Variants in NCR1 observed in about 807,000 individuals in gnomAD.
NCR1 encodes NK cell-activating receptor.
In NCR1, 30 loss-of-function variants were observed where a neutral mutation model predicts 32.5. The ratio of observed to expected loss-of-function variants is 0.92; its 90% CI spans 0.69 to 1.25. NCR1 has a LOEUF of 1.25. Ranked by LOEUF, NCR1 falls within the 50% of genes most tolerant of loss-of-function variation. The pLI is 0.00. For missense variants in NCR1, 369 were observed against 380.7 expected (o/e 0.97, Z 0.26); for synonymous variants, 169 against 143.4 (o/e 1.18, Z -1.28).
chr19:54,908,521 G>A (rs1163463828), intron 3 of NCR1, among the ~76,000 whole-genome samples: 1 of 152,128 alleles, frequency 6.6e-6, no homozygotes, highest in Non-Finnish European at 1.5e-5. Flanking sequence ...CAGACGGGGT[G>A]GCGGCCGGGC....
At chr19:54,936,550 A>G in the NCR1 span, 1 of 889,672 alleles carries the variant, frequency 1.1e-6, no homozygotes, top group Non-Finnish European at 1.8e-6. Flanking sequence ...GGCCGGGTGC[A>G]GTGGCTCGTG....
chr19:54,935,898 C>A, the NCR1 span, among the ~76,000 whole-genome samples: 1 of 150,434 alleles, frequency 6.6e-6, no homozygotes, highest in Non-Finnish European at 1.5e-5. Context: ...CCAAAACTAC[C>A]CCCAAACCCG....
chr19:54,929,328 G>A, the NCR1 span, among the ~76,000 whole-genome samples: 1 of 152,044 alleles, frequency 6.6e-6, no homozygotes, highest in African/African-American at 2.4e-5. Flanking sequence ...TCGCACCACT[G>A]CACTCCAGCC....
the NCR1 span, among the ~76,000 whole-genome samples, chr19:54,932,524 C>T: frequency 2.6e-5 from 4 of 152,044 alleles, no homozygotes; most frequent in African/African-American, 9.7e-5. Context: ...ATTTTTCTAA[C>T]CATAATTTTA....
the NCR1 span, among the ~76,000 whole-genome samples, chr19:54,899,134 T>G: frequency 1.9e-4 from 29 of 152,250 alleles, no homozygotes; most frequent in Non-Finnish European, 2.6e-4. Flanking sequence ...TGTAAAAGAA[T>G]GCCTGGATGT....
At chr19:54,905,001 G>A (rs762973975), upstream of NCR1, among the ~76,000 whole-genome samples, 9 of 152,186 alleles carry the variant, frequency 5.9e-5, no homozygotes, top group Admixed American at 2.6e-4. Context: ...GGACCTGGGT[G>A]GATTCCATGT....
chr19:54,926,228 G>GTGTGTGTGCA, the NCR1 span, among the ~76,000 whole-genome samples: 1 of 127,112 alleles, frequency 7.9e-6, no homozygotes, highest in Non-Finnish European at 1.7e-5. Context: ...GTGTGTGTGT[G>GTGTGTGTGCA]CTCATGCACA....
Position 54,912,960 on chromosome 19 carries a change from G to T in NCR1, c.*89G>T. The stretch of plus-strand genomic sequence containing the variant: ...GTGAGCTCTGTGTTGGACCCACGGA[G>T]GAGGGAGTCACTGCAGGGAAAGAGG... On this transcript the variant is annotated 3_prime_UTR_variant, in exon 7 of 7. Coordinates refer to ENST00000291890, the MANE Select transcript of NCR1 (RefSeq NM_004829.7). The T allele has an allele frequency of 2.3e-6, 3 of 1,292,556 alleles. No homozygotes were observed. Among genetic ancestry groups the T allele is most frequent in the Non-Finnish European group, 3.2e-6 (3 of 940,808 alleles). 80.1% of individuals were successfully genotyped at this position (1,292,556 alleles called of 1,614,324 possible).
At chr19:54,927,009 C>T in the NCR1 span, among the ~76,000 whole-genome samples, 1 of 150,810 alleles carries the variant, frequency 6.6e-6, no homozygotes, top group African/African-American at 2.4e-5. Flanking sequence ...AAAATCGCTT[C>T]AACCTGTGAG....
At chr19:54,907,704 A>G (rs1289129797) in intron 3 of NCR1, among the ~76,000 whole-genome samples, 1 of 152,022 alleles carries the variant, frequency 6.6e-6, no homozygotes, top group African/African-American at 2.4e-5. Context: ...ACCATCATAT[A>G]TGTGGTACAT....
the NCR1 span, chr19:54,938,173 A>G: frequency 9.9e-6 from 16 of 1,614,092 alleles, no homozygotes; most frequent in Non-Finnish European, 1.4e-5. Flanking sequence ...GAGAGAGCAG[A>G]AATCTGTCCA....
the NCR1 span, among the ~76,000 whole-genome samples, chr19:54,899,726 C>T: frequency 6.6e-6 from 1 of 151,864 alleles, no homozygotes; most frequent in East Asian, 1.9e-4. Flanking sequence ...CTTGCCCCCC[C>T]AGAAAAGCAG....
chr19:54,914,232 G>A (rs1315843725), downstream of NCR1, among the ~76,000 whole-genome samples: 3 of 71,038 alleles, frequency 4.2e-5, no homozygotes, highest in South Asian at 1.3e-3. Flanking sequence ...TTTTTTTAAT[G>A]TAAGTTTTAG....
chr19:54,910,205 G>GGC, intron 5 of NCR1, 140 bp downstream of exon 5: 1 of 785,422 alleles, frequency 1.3e-6, no homozygotes, highest in Non-Finnish European at 2.1e-6. Context: ...GGGAGGCCGA[G>GGC]ATGGTGCATC....
At chr19:54,936,128 A>C in the NCR1 span, 2 of 787,592 alleles carry the variant, frequency 2.5e-6, no homozygotes, top group South Asian at 1.5e-5. Context: ...CGACTCCCCC[A>C]CACAGGCCTG....
downstream of NCR1, among the ~76,000 whole-genome samples, chr19:54,918,504 C>T (rs2068179212): frequency 6.6e-6 from 1 of 152,082 alleles, no homozygotes; most frequent in African/African-American, 2.4e-5. Context: ...GAACTCCTGG[C>T]CTCAAGTGAT....
the NCR1 span, among the ~76,000 whole-genome samples, chr19:54,937,038 G>A: frequency 2.0e-5 from 3 of 151,884 alleles, no homozygotes; most frequent in African/African-American, 4.8e-5. Flanking sequence ...CTAACACGGT[G>A]AAACCCCGTC....
downstream of NCR1, among the ~76,000 whole-genome samples, chr19:54,918,435 A>AT (rs1177230925): frequency 1.3e-5 from 2 of 151,872 alleles, no homozygotes. Context: ...TGCCTGGCTA[A>AT]TTTTTTGTAC....
chr19:54,938,025 A>C, the NCR1 span: 8 of 1,599,852 alleles, frequency 5.0e-6, no homozygotes, highest in Non-Finnish European at 6.9e-6. Flanking sequence ...TCTTCCTTGC[A>C]AGATGAGCTT....
Sources: gnomAD v4.1 joint callset for allele counts (sites outside exome capture counted in the v4.1 genomes callset) on GRCh38, gnomAD v4.1.1 for gene constraint, MANE v1.5 for transcripts, NCBI Gene and HGNC (gene_info 2026-07-23, HGNC 2026-07-21) for gene names.